KANK1: variants seen among roughly 807,000 people sequenced by gnomAD.
KANK1 encodes KN motif and ankyrin repeat domains 1.
A neutral mutation model predicts 106.2 loss-of-function variants in KANK1; 109 were observed. The observed-to-expected ratio is 1.03, with a 90% CI of 0.88 to 1.20. The LOEUF (loss-of-function observed/expected upper bound fraction) is 1.20, where lower values mean the gene tolerates loss of function less well. Ranked by LOEUF, KANK1 falls within the 50% of genes most tolerant of loss-of-function variation. The pLI, the probability that KANK1 is intolerant of heterozygous loss-of-function variation, is 0.00. For missense variants in KANK1, 2,399 were observed against 1,710.7 expected (o/e 1.40, Z -7.10); for synonymous variants, 873 against 652.2 (o/e 1.34, Z -5.16).
intron 3 of KANK1, among the ~76,000 whole-genome samples, chr9:496,202 A>G (rs553237487): frequency 6.6e-6 from 1 of 152,344 alleles, no homozygotes; most frequent in African/African-American, 2.4e-5. Flanking sequence ...CAGAGAACAC[A>G]CTTAACTACA....
At chr9:607,223 T>C (rs973511050) in intron 1 of KANK1, among the ~76,000 whole-genome samples, 1 of 151,736 alleles carries the variant, frequency 6.6e-6, no homozygotes, top group African/African-American at 2.4e-5. Flanking sequence ...CAGTGACTTA[T>C]GCCTGTAATC....
At chr9:530,513 C>G (rs548816370) in intron 1 of KANK1, among the ~76,000 whole-genome samples, 20 of 152,066 alleles carry the variant, frequency 1.3e-4, no homozygotes, top group African/African-American at 4.6e-4. Context: ...GTGTCTGTTT[C>G]TTGACTTCTG....
At chr9:508,549 C>CTAATT (rs2058881426) in intron 1 of KANK1, among the ~76,000 whole-genome samples, 1 of 146,216 alleles carries the variant, frequency 6.8e-6, no homozygotes, top group African/African-American at 2.8e-5. Context: ...CAGAAGTGCC[C>CTAATT]CTATACTCTT....
intron 10 of KANK1, 94 bp from the exon 11 acceptor site, chr9:744,397 G>T: frequency 1.4e-6 from 2 of 1,412,676 alleles, no homozygotes; most frequent in Non-Finnish European, 1.9e-6. Context: ...GGGGAACCTT[G>T]CCAATTATTG....
chr9:596,318 A>T (rs1366862587), intron 1 of KANK1, among the ~76,000 whole-genome samples: 1 of 151,886 alleles, frequency 6.6e-6, no homozygotes, highest in Non-Finnish European at 1.5e-5. Context: ...TGGGCTCTAG[A>T]AGCAGCCATG....
intron 1 of KANK1, among the ~76,000 whole-genome samples, chr9:509,892 G>A (rs2058951220): frequency 6.6e-6 from 1 of 152,112 alleles, no homozygotes; most frequent in South Asian, 2.1e-4. Flanking sequence ...GAACTGCTGG[G>A]CCCAAGCAAT....
intron 1 of KANK1, among the ~76,000 whole-genome samples, chr9:605,581 G>A (rs1340290711): frequency 1.3e-5 from 2 of 151,836 alleles, no homozygotes; most frequent in Non-Finnish European, 2.9e-5. Flanking sequence ...ACATGAGGCA[G>A]CTGTGTAATA....
At chr9:723,620 C>T (rs1829929713) in intron 3 of KANK1, among the ~76,000 whole-genome samples, 1 of 150,578 alleles carries the variant, frequency 6.6e-6, no homozygotes, top group Non-Finnish European at 1.5e-5. Flanking sequence ...GTGTGAGACC[C>T]TGTCTGTAAT....
chr9:717,038 C>T (rs981778709), intron 3 of KANK1, among the ~76,000 whole-genome samples: 1 of 151,700 alleles, frequency 6.6e-6, no homozygotes, highest in African/African-American at 2.4e-5. Context: ...GTAATTCTAG[C>T]ATTCTGAGAG....
At chr9:484,852 G>A (rs2058264303) in intron 3 of KANK1, among the ~76,000 whole-genome samples, 1 of 151,522 alleles carries the variant, frequency 6.6e-6, no homozygotes, top group Non-Finnish European at 1.5e-5. Context: ...TACTCTCAGT[G>A]TTTCCAAGAA....
chr9:517,107 G>C (rs757158927), intron 1 of KANK1, among the ~76,000 whole-genome samples: 6 of 151,580 alleles, frequency 4.0e-5, no homozygotes, highest in Non-Finnish European at 8.8e-5. Flanking sequence ...AGCTGTTTGT[G>C]TTTGTTTTTG....
chr9:677,136 T>A (rs1816572542), intron 2 of KANK1, 127 bp downstream of exon 2: 1 of 841,338 alleles, frequency 1.2e-6, no homozygotes, highest in Non-Finnish European at 1.9e-6. Flanking sequence ...AGCAATTTTC[T>A]GTCCATTGAA....
At position 657,042 on chromosome 9, in the gene KANK1, C is replaced by T. The variant is rs530584444; in HGVS notation, c.-83-19848C>T. 4.6e-5 allele frequency among the ~76,000 whole-genome samples: 7 copies of T among 151,368 alleles called. No individual in the cohort carries two copies. The South Asian group carries it at 1.5e-3, about 32-fold the overall frequency. ...CTGTGCTCATCAAACAACTCTGTTTCCCCCTGTGCCAGCCGCTGGCACCAA... is the reference window on the plus strand; with the variant it reads ...CTGTGCTCATCAAACAACTCTGTTTTCCCCTGTGCCAGCCGCTGGCACCAA... On this transcript the variant is annotated intron_variant, in intron 1 of 11. Coordinates refer to ENST00000382297, the MANE Select transcript of KANK1 (RefSeq NM_015158.5).
At chr9:602,106 T>C (rs1330837889) in intron 1 of KANK1, among the ~76,000 whole-genome samples, 1 of 151,860 alleles carries the variant, frequency 6.6e-6, no homozygotes, top group East Asian at 1.9e-4. Context: ...TGTAGAAAAA[T>C]AGGTTCTTTA....
intron 1 of KANK1, among the ~76,000 whole-genome samples, chr9:636,902 G>T (rs1476328702): frequency 1.3e-5 from 2 of 152,086 alleles, no homozygotes; most frequent in East Asian, 3.9e-4. Context: ...CCTTCCTTTA[G>T]GCCCAGAGAG....
At chr9:472,702 G>T (rs11788982) in intron 2 of KANK1, among the ~76,000 whole-genome samples, 16 of 152,192 alleles carry the variant, frequency 1.1e-4, no homozygotes, top group African/African-American at 3.9e-4. Context: ...CAATTTGCAG[G>T]GATTAGTGTA....
chr9:737,537 T>A (rs7860996), intron 7 of KANK1, among the ~76,000 whole-genome samples: 1 of 152,142 alleles, frequency 6.6e-6, no homozygotes, highest in African/African-American at 2.4e-5. Context: ...TGACCCAGGG[T>A]TGAGTTGATC....
rs759312631 is a variant in KANK1 at position 711,224 on chromosome 9, A to G, written c.458A>G (p.His153Arg). 6.8e-6 allele frequency: 11 copies of G among 1,614,138 alleles called. No individual in the cohort carries two copies. The highest frequency in any genetic ancestry group is 6.7e-5 in the Admixed American group (4 of 60,004). Reference sequence around the variant, plus strand: ...CCACAACTCCCAAAGCATAACCTTCATGTCACCAAGACACTGATGGAGACC... The same window carrying G: ...CCACAACTCCCAAAGCATAACCTTCGTGTCACCAAGACACTGATGGAGACC... ...PSPQLPKHNL[H>R]VTKTLMETRR... Residue 153 changes from histidine (H) to arginine (R), a missense_variant, in exon 3 of 12, where the codon CAT becomes CGT. Physicochemically the swap from His to Arg is conservative, Grantham distance 29. Coordinates refer to ENST00000382297, the MANE Select transcript of KANK1 (RefSeq NM_015158.5).
At chr9:473,555 A>G (rs1398654830) in intron 3 of KANK1, among the ~76,000 whole-genome samples, 2 of 152,208 alleles carry the variant, frequency 1.3e-5, no homozygotes, top group Non-Finnish European at 2.9e-5. Context: ...GGGTTTTCTG[A>G]TAGGTATAAT....
Sources: gnomAD v4.1 joint callset for allele counts (sites outside exome capture counted in the v4.1 genomes callset) on GRCh38, gnomAD v4.1.1 for gene constraint, MANE v1.5 for transcripts, NCBI Gene and HGNC (gene_info 2026-07-23, HGNC 2026-07-21) for gene names.